Variants in DENND1B observed in about 807,000 individuals in gnomAD.
DENND1B encodes the protein DENN domain containing 1B.
DENND1B carries 59 observed loss-of-function variants against 90.1 expected under a neutral mutation model. That is an observed-to-expected ratio of 0.65 (90% CI 0.53 to 0.81). The LOEUF is 0.81. DENND1B is among the 40% of genes least tolerant of loss of function. DENND1B has a pLI of 0.00. For missense variants in DENND1B, 862 were observed against 912.6 expected (o/e 0.94, Z 0.71); for synonymous variants, 337 against 324.6 (o/e 1.04, Z -0.41).
chr1:197,565,593 C>T (rs1672573246), intron 15 of DENND1B, among the ~76,000 whole-genome samples: 1 of 150,258 alleles, frequency 6.7e-6, no homozygotes, highest in East Asian at 2.0e-4. Flanking sequence ...CACCCATTAA[C>T]TCGTCATTTA....
chr1:197,733,165 G>A (rs1477095279), intron 2 of DENND1B, among the ~76,000 whole-genome samples: 1 of 152,030 alleles, frequency 6.6e-6, no homozygotes, highest in East Asian at 1.9e-4. Flanking sequence ...AGCTTTTTAG[G>A]AAAAAGAGTA....
chr1:197,517,997 C>T (rs936502562), intron 20 of DENND1B, among the ~76,000 whole-genome samples: 2 of 151,776 alleles, frequency 1.3e-5, no homozygotes, highest in Non-Finnish European at 2.9e-5. Context: ...CCAGGAAACA[C>T]TCCCTTGCTC....
At chr1:197,611,864 CA>C in intron 12 of DENND1B, 66 bp downstream of exon 12, 4 of 1,434,248 alleles carry the variant, frequency 2.8e-6, no homozygotes, top group Non-Finnish European at 3.9e-6. Context: ...TTCTTCAAAA[CA>C]AAACTGTTTT....
chr1:197,593,092 A>G (rs1359799974), intron 14 of DENND1B, among the ~76,000 whole-genome samples: 1 of 152,052 alleles, frequency 6.6e-6, no homozygotes, highest in Non-Finnish European at 1.5e-5. Context: ...TTGGTCTATT[A>G]TATCAATGAC....
intron 21 of DENND1B, among the ~76,000 whole-genome samples, chr1:197,512,399 A>G (rs1668091343): frequency 6.6e-6 from 1 of 151,760 alleles, no homozygotes; most frequent in South Asian, 2.1e-4. Flanking sequence ...ATTGTCATAC[A>G]TCAATTGTAA....
intron 10 of DENND1B, among the ~76,000 whole-genome samples, chr1:197,629,191 G>A (rs1679086284): frequency 6.6e-6 from 1 of 152,020 alleles, no homozygotes; most frequent in Admixed American, 6.6e-5. Context: ...ATACCCAAAG[G>A]ATTATAAATC....
At chr1:197,675,127 T>A (rs1055570915) in intron 3 of DENND1B, among the ~76,000 whole-genome samples, 2 of 152,086 alleles carry the variant, frequency 1.3e-5, no homozygotes, top group African/African-American at 2.4e-5. Flanking sequence ...AAGAATTTTA[T>A]AAGGATGTTT....
At chr1:197,773,793 T>C (rs1416846596) in intron 1 of DENND1B, among the ~76,000 whole-genome samples, 1 of 152,210 alleles carries the variant, frequency 6.6e-6, no homozygotes, top group Non-Finnish European at 1.5e-5. Flanking sequence ...TGTTTAAATC[T>C]CTCGTTCCAT....
At chr1:197,756,739 T>A (rs1654355835) in intron 2 of DENND1B, among the ~76,000 whole-genome samples, 1 of 151,712 alleles carries the variant, frequency 6.6e-6, no homozygotes, top group African/African-American at 2.4e-5. Flanking sequence ...TTTAAAAAAA[T>A]TCATTAAAAC....
chr1:197,610,940 G>A (rs1284751846), intron 12 of DENND1B, among the ~76,000 whole-genome samples: 5 of 150,638 alleles, frequency 3.3e-5, no homozygotes, highest in African/African-American at 9.7e-5. Flanking sequence ...AAAAAATGCC[G>A]GAACCTAGAG....
At chr1:197,540,281 T>G (rs1670241409) in intron 19 of DENND1B, among the ~76,000 whole-genome samples, 1 of 151,802 alleles carries the variant, frequency 6.6e-6, no homozygotes, top group Non-Finnish European at 1.5e-5. Context: ...TCTTAATTAT[T>G]TATACTGATA....
At chr1:197,726,674 T>C (rs575000394) in intron 2 of DENND1B, among the ~76,000 whole-genome samples, 20 of 152,260 alleles carry the variant, frequency 1.3e-4, no homozygotes, top group Middle Eastern at 3.4e-3. Context: ...TCAGTACTTA[T>C]GAGATACCCC....
intron 2 of DENND1B, among the ~76,000 whole-genome samples, chr1:197,753,837 C>G (rs138347817): frequency 1.3e-5 from 2 of 151,786 alleles, no homozygotes; most frequent in African/African-American, 4.9e-5. Context: ...CCCGTCTCTA[C>G]TAAAAATACA....
intron 3 of DENND1B, among the ~76,000 whole-genome samples, chr1:197,681,477 T>C (rs931811357): frequency 2.6e-5 from 4 of 152,180 alleles, no homozygotes; most frequent in Non-Finnish European, 1.5e-5. Flanking sequence ...ATGTACTTAT[T>C]CAACAATCCA....
intron 20 of DENND1B, among the ~76,000 whole-genome samples, chr1:197,528,470 A>G (rs1669301026): frequency 6.6e-6 from 1 of 152,250 alleles, no homozygotes; most frequent in Non-Finnish European, 1.5e-5. Context: ...CATTAAATAC[A>G]TAAAGATCCA....
At chr1:197,633,146 C>A (rs770128647) in intron 10 of DENND1B, among the ~76,000 whole-genome samples, 25 of 152,160 alleles carry the variant, frequency 1.6e-4, no homozygotes, top group Non-Finnish European at 2.9e-4. Context: ...GGCCTCTTGA[C>A]CAGTTACATA....
intron 20 of DENND1B, among the ~76,000 whole-genome samples, chr1:197,526,142 C>A (rs1669117472): frequency 6.6e-6 from 1 of 151,976 alleles, no homozygotes; most frequent in Admixed American, 6.5e-5. Flanking sequence ...CTATTATACC[C>A]CCATAGTTAG....
intron 5 of DENND1B, among the ~76,000 whole-genome samples, chr1:197,670,443 CTGTGTGTGTGTGTGTGTG>C (rs60648023): frequency 2.0e-5 from 2 of 99,566 alleles, no homozygotes; most frequent in African/African-American, 4.0e-5. Context: ...GGGGGGAAGA[CTGTGTGTGTGTGTGTGTG>C]TGTGTGTGTG....
At chr1:197,547,466 G>A (rs556008098) in intron 16 of DENND1B, among the ~76,000 whole-genome samples, 1 of 152,170 alleles carries the variant, frequency 6.6e-6, no homozygotes, top group South Asian at 2.1e-4. Context: ...ATCAACATCA[G>A]GCAAGAAGTG....
Sources: gnomAD v4.1 joint callset for allele counts (sites outside exome capture counted in the v4.1 genomes callset) on GRCh38, gnomAD v4.1.1 for gene constraint, MANE v1.5 for transcripts, NCBI Gene and HGNC (gene_info 2026-07-23, HGNC 2026-07-21) for gene names.